The following ATP9B variants were observed in gnomAD, a reference collection of about 807,000 sequenced individuals.
ATP9B encodes the protein probable phospholipid-transporting ATPase IIB.
ATP9B carries 110 observed loss-of-function variants against 146.1 expected under a neutral mutation model. The ratio of observed to expected loss-of-function variants is 0.75; its 90% CI spans 0.65 to 0.88. The LOEUF (loss-of-function observed/expected upper bound fraction) is 0.88. ATP9B is among the 40% of genes least tolerant of loss of function. The probability of loss-of-function intolerance (pLI) is 0.00; values close to 1 mark genes in which losing one functional copy is unlikely to be tolerated. For missense variants in ATP9B, 1,499 were observed against 1,496.4 expected (o/e 1.00, Z -0.03); for synonymous variants, 604 against 569.7 (o/e 1.06, Z -0.86).
intron 23 of ATP9B, among the ~76,000 whole-genome samples, chr18:79,347,191 CCTT>C (rs1334712092): frequency 4.6e-5 from 7 of 152,224 alleles, no homozygotes; most frequent in African/African-American, 1.7e-4. Context: ...GTTACTCTCT[CCTT>C]CTCCACAGTC....
Position 79,183,761 on chromosome 18 carries a change from T to G in ATP9B, c.873+6854T>G, listed in dbSNP as rs538689828. 1.7e-4 allele frequency among the ~76,000 whole-genome samples: 26 copies of G among 148,922 alleles called. No homozygotes were observed. In the South Asian group the frequency reaches 1.9e-3, roughly 11 times the overall value. ...ACAAAATCTGATTATCTACCATTTT[T>G]GGGGGGAGTATTTTTTTTTTAGTTT... On this transcript the variant is annotated intron_variant, in intron 8 of 29. Transcript: ENST00000426216.
chr18:79,215,164 A>G (rs1294400884), intron 11 of ATP9B, among the ~76,000 whole-genome samples: 1 of 151,858 alleles, frequency 6.6e-6, no homozygotes, highest in Non-Finnish European at 1.5e-5. Context: ...AAAAAAAAAA[A>G]AGATATATTT....
chr18:79,339,273 A>AAGTGTGTCATGATCACAGTAGGC (rs1369088988), intron 19 of ATP9B, among the ~76,000 whole-genome samples: 7 of 151,676 alleles, frequency 4.6e-5, no homozygotes, highest in Non-Finnish European at 1.0e-4. Flanking sequence ...TCACAGTAGG[A>AAGTGTGTCATGATCACAGTAGGC]AGTGTGTCAT....
chr18:79,259,429 C>A (rs948249728), intron 12 of ATP9B, among the ~76,000 whole-genome samples: 2 of 152,120 alleles, frequency 1.3e-5, no homozygotes, highest in Admixed American at 1.3e-4. Flanking sequence ...GTTTTTACTC[C>A]CACATGAGGC....
At chr18:79,215,460 T>C (rs1323494664) in intron 11 of ATP9B, among the ~76,000 whole-genome samples, 2 of 152,184 alleles carry the variant, frequency 1.3e-5, no homozygotes, top group Admixed American at 6.5e-5. Context: ...TGCGTTACTA[T>C]TGAGTATAAA....
chr18:79,203,147 G>A (rs988945962), intron 9 of ATP9B, among the ~76,000 whole-genome samples: 3 of 152,200 alleles, frequency 2.0e-5, no homozygotes, highest in African/African-American at 7.2e-5. Flanking sequence ...GCCTCATACA[G>A]GTGGAAGGCT....
intron 11 of ATP9B, among the ~76,000 whole-genome samples, chr18:79,220,734 C>T (rs552561056): frequency 6.6e-6 from 1 of 152,202 alleles, no homozygotes; most frequent in Non-Finnish European, 1.5e-5. Flanking sequence ...GTCTTATATT[C>T]GGTTGCTTGT....
chr18:79,155,415 A>G (rs1424279658), intron 7 of ATP9B, among the ~76,000 whole-genome samples: 2 of 152,132 alleles, frequency 1.3e-5, no homozygotes, highest in Non-Finnish European at 2.9e-5. Context: ...AAATTGGGAA[A>G]CCTGAGTTTA....
intron 15 of ATP9B, among the ~76,000 whole-genome samples, chr18:79,313,876 T>G (rs1012721025): frequency 6.6e-6 from 1 of 152,188 alleles, no homozygotes; most frequent in East Asian, 1.9e-4. Context: ...AATCTGAAAA[T>G]GAAAACAATA....
intron 2 of ATP9B, among the ~76,000 whole-genome samples, chr18:79,097,672 G>C (rs11873417): frequency 0.12 from 17,992 of 144,670 alleles, 1,572 homozygotes; most frequent in African/African-American, 0.25. Context: ...TGATGGTTTC[G>C]AATTTCATCC....
chr18:79,245,734 A>ACCGCCCTGCTGACTGAGGAGGG (rs2095944680), intron 11 of ATP9B, among the ~76,000 whole-genome samples: 2 of 111,198 alleles, frequency 1.8e-5, no homozygotes, highest in Non-Finnish European at 3.7e-5. Flanking sequence ...TGTGTGGAGG[A>ACCGCCCTGCTGACTGAGGAGGG]CACCGCCCTG....
At chr18:79,248,858 C>A (rs528665007) in intron 11 of ATP9B, among the ~76,000 whole-genome samples, 1 of 152,334 alleles carries the variant, frequency 6.6e-6, no homozygotes, top group South Asian at 2.1e-4. Context: ...ACATCCTGTT[C>A]ACCCAGGGTG....
At chr18:79,108,552 T>C (rs1490110555) in intron 2 of ATP9B, among the ~76,000 whole-genome samples, 4 of 152,236 alleles carry the variant, frequency 2.6e-5, no homozygotes, top group Non-Finnish European at 1.5e-5. Flanking sequence ...TGTTCCACTC[T>C]TGCAAAGCTC....
intron 12 of ATP9B, among the ~76,000 whole-genome samples, chr18:79,271,787 A>G (rs1287536317): frequency 1.3e-5 from 2 of 152,102 alleles, no homozygotes; most frequent in African/African-American, 4.8e-5. Context: ...TGGTATTTCT[A>G]GTTCTAGATC....
chr18:79,313,028 C>T (rs976098481), intron 15 of ATP9B, among the ~76,000 whole-genome samples: 5 of 152,192 alleles, frequency 3.3e-5, no homozygotes, highest in South Asian at 4.1e-4. Flanking sequence ...TCCCTGTCAG[C>T]GCGCTGTTGG....
In ATP9B at chr18:79,193,269, T is replaced by C. The variant is rs1298074454; in HGVS notation, c.954+6T>C. On this transcript the variant is annotated splice_donor_region_variant and intron_variant, in intron 9 of 29. Coordinates refer to ENST00000426216, the MANE Select transcript of ATP9B (RefSeq NM_198531.5). Reference sequence around the variant, plus strand: ...TCGAAGGCACATTTACCAGGGTAAGTTAAACCTGTTGTTCAATACAAATAG... The same window carrying C: ...TCGAAGGCACATTTACCAGGGTAAGCTAAACCTGTTGTTCAATACAAATAG... 1.6e-5 allele frequency: 26 copies of C among 1,591,160 alleles called. No individual in the cohort carries two copies. Among genetic ancestry groups the C allele is most frequent in the Non-Finnish European group, 2.2e-5 (26 of 1,159,450 alleles).
chr18:79,293,093 A>G (rs555988401), intron 13 of ATP9B, among the ~76,000 whole-genome samples: 10 of 151,430 alleles, frequency 6.6e-5, no homozygotes, highest in Non-Finnish European at 1.0e-4. Context: ...AGATAATGCT[A>G]TGGAGAAAGA....
intron 25 of ATP9B, among the ~76,000 whole-genome samples, chr18:79,357,977 G>A (rs2096964356): frequency 2.3e-5 from 2 of 86,344 alleles, no homozygotes; most frequent in African/African-American, 6.3e-5. Flanking sequence ...GGAGGTGTCC[G>A]TGTGAGGGAC....
At chr18:79,141,459 TACTG>T (rs570529762) in intron 5 of ATP9B, among the ~76,000 whole-genome samples, 385 of 152,320 alleles carry the variant, frequency 2.5e-3, no homozygotes, top group African/African-American at 8.9e-3. Context: ...ATACACGACT[TACTG>T]AGTGTGCACT....
Sources: allele counts gnomAD v4.1 joint callset (sites outside exome capture counted in the v4.1 genomes callset), GRCh38; gene constraint gnomAD v4.1.1; transcripts MANE v1.5; gene names NCBI Gene and HGNC (gene_info 2026-07-23, HGNC 2026-07-21).